Variants in GALNTL6 observed in about 807,000 individuals in gnomAD.
GALNTL6 encodes the protein polypeptide N-acetylgalactosaminyltransferase-like 6.
In GALNTL6, 46 loss-of-function variants were observed where a neutral mutation model predicts 73.7. The observed-to-expected ratio is 0.62, with a 90% CI of 0.49 to 0.80. The LOEUF (loss-of-function observed/expected upper bound fraction) is 0.80, where lower values mean the gene tolerates loss of function less well. Among genes scored for constraint, GALNTL6 ranks in the 30% least tolerant of loss-of-function variants. The probability of loss-of-function intolerance (pLI) is 0.00; values close to 1 mark genes in which losing one functional copy is unlikely to be tolerated. For synonymous variants in GALNTL6, 259 were observed against 263.7 expected (o/e 0.98, Z 0.17); for missense variants, 604 against 755.0 (o/e 0.80, Z 2.34).
chr4:172,486,247 A>T (rs569152435), intron 5 of GALNTL6, among the ~76,000 whole-genome samples: 1 of 152,322 alleles, frequency 6.6e-6, no homozygotes, highest in African/African-American at 2.4e-5. Flanking sequence ...ATTTCTGCAG[A>T]TCAGTGTGTG....
chr4:173,035,886 T>G (rs1753677230), intron 12 of GALNTL6, among the ~76,000 whole-genome samples: 2 of 152,212 alleles, frequency 1.3e-5, no homozygotes, highest in African/African-American at 4.8e-5. Flanking sequence ...GTTGGTACAT[T>G]CTGATTTTTA....
chr4:172,085,529 T>A (rs1303959635), intron 2 of GALNTL6, among the ~76,000 whole-genome samples: 1 of 151,138 alleles, frequency 6.6e-6, no homozygotes, highest in Non-Finnish European at 1.5e-5. Context: ...CTCAAAAATA[T>A]GTATATATAT....
chr4:172,988,011 G>T (rs1188733128), intron 10 of GALNTL6, among the ~76,000 whole-genome samples: 1 of 152,152 alleles, frequency 6.6e-6, no homozygotes, highest in Non-Finnish European at 1.5e-5. Context: ...ATTAATACTG[G>T]GAGTGGGGCA....
chr4:172,783,998 TA>T (rs1046477458), intron 5 of GALNTL6, among the ~76,000 whole-genome samples: 1 of 152,132 alleles, frequency 6.6e-6, no homozygotes, highest in Non-Finnish European at 1.5e-5. Flanking sequence ...CATTTCCTTG[TA>T]AAATGAAAGT....
At chr4:172,721,980 G>A (rs114110038) in intron 5 of GALNTL6, among the ~76,000 whole-genome samples, 2,235 of 117,270 alleles carry the variant, frequency 0.019, 30 homozygotes, top group South Asian at 0.077. Context: ...TGGAGGTGGC[G>A]GAAGGCTTTT....
chr4:172,764,002 A>G (rs1738262212), intron 5 of GALNTL6, among the ~76,000 whole-genome samples: 1 of 147,286 alleles, frequency 6.8e-6, no homozygotes, highest in African/African-American at 2.5e-5. Context: ...CTTGTTGCCA[A>G]GGCTGGAGTG....
intron 5 of GALNTL6, among the ~76,000 whole-genome samples, chr4:172,626,611 A>G (rs1739180668): frequency 6.6e-6 from 1 of 152,042 alleles, no homozygotes; most frequent in Non-Finnish European, 1.5e-5. Context: ...CATTATGACC[A>G]TTTTAACAAT....
At chr4:172,389,057 T>C (rs1327639011) in intron 5 of GALNTL6, among the ~76,000 whole-genome samples, 2 of 152,062 alleles carry the variant, frequency 1.3e-5, no homozygotes, top group African/African-American at 2.4e-5. Flanking sequence ...ATGTATGCTA[T>C]ATGATTATAT....
intron 2 of GALNTL6, among the ~76,000 whole-genome samples, chr4:172,117,112 A>G (rs1733004659): frequency 6.6e-6 from 1 of 152,326 alleles, no homozygotes; most frequent in African/African-American, 2.4e-5. Flanking sequence ...TAAATTTTTA[A>G]CTTTAAAGCA....
At chr4:172,143,277 T>TG (rs11422555) in intron 2 of GALNTL6, among the ~76,000 whole-genome samples, 4,312 of 152,076 alleles carry the variant, frequency 0.028, 188 homozygotes, top group African/African-American at 0.097. Context: ...ATGGGTTTTA[T>TG]GTTTATATAG....
chr4:171,990,165 C>T (rs1253709698), intron 2 of GALNTL6, among the ~76,000 whole-genome samples: 1 of 152,094 alleles, frequency 6.6e-6, no homozygotes, highest in Admixed American at 6.6e-5. Context: ...AACCTCTTAC[C>T]CAGACAGTAA....
At chr4:172,385,294 G>C (rs1390561998) in intron 5 of GALNTL6, among the ~76,000 whole-genome samples, 1 of 151,976 alleles carries the variant, frequency 6.6e-6, no homozygotes, top group East Asian at 1.9e-4. Context: ...GTTATACGTG[G>C]TTTCTAGTGC....
intron 5 of GALNTL6, among the ~76,000 whole-genome samples, chr4:172,358,164 A>C (rs1742234713): frequency 6.6e-6 from 1 of 152,216 alleles, no homozygotes; most frequent in African/African-American, 2.4e-5. Context: ...AGCATTGGAG[A>C]CAGAGAGTCT....
chr4:172,202,998 T>A (rs941165660), intron 2 of GALNTL6, among the ~76,000 whole-genome samples: 1 of 152,178 alleles, frequency 6.6e-6, no homozygotes, highest in Non-Finnish European at 1.5e-5. Flanking sequence ...GATAGTATAG[T>A]TTACAAATAA....
intron 5 of GALNTL6, among the ~76,000 whole-genome samples, chr4:172,790,405 C>A (rs1336296916): frequency 6.6e-6 from 1 of 152,150 alleles, no homozygotes; most frequent in South Asian, 2.1e-4. Context: ...AAATTTTTCT[C>A]TCTCTGCCCA....
chr4:172,894,217 ATTTCT>A (rs753959525), intron 8 of GALNTL6, among the ~76,000 whole-genome samples: 21 of 151,594 alleles, frequency 1.4e-4, no homozygotes, highest in East Asian at 7.8e-4. Context: ...GATCTTTATT[ATTTCT>A]TTTATTTTGC....
At chr4:172,163,828 G>A (rs1485766430) in intron 2 of GALNTL6, among the ~76,000 whole-genome samples, 2 of 151,662 alleles carry the variant, frequency 1.3e-5, no homozygotes, top group Non-Finnish European at 2.9e-5. Flanking sequence ...CAACATACAG[G>A]CACACACACA....
At chr4:172,662,648 A>G (rs1026171158) in intron 5 of GALNTL6, among the ~76,000 whole-genome samples, 5 of 152,212 alleles carry the variant, frequency 3.3e-5, no homozygotes, top group Non-Finnish European at 7.3e-5. Flanking sequence ...TCTATCATCA[A>G]TGGATTCATT....
chr4:172,837,020 A>G (rs1742945026), intron 7 of GALNTL6, among the ~76,000 whole-genome samples: 1 of 152,198 alleles, frequency 6.6e-6, no homozygotes. Flanking sequence ...TTATCAAAAC[A>G]CAGAACCTCT....
Sources: gnomAD v4.1 joint callset for allele counts (sites outside exome capture counted in the v4.1 genomes callset) on GRCh38, gnomAD v4.1.1 for gene constraint, MANE v1.5 for transcripts, NCBI Gene and HGNC (gene_info 2026-07-23, HGNC 2026-07-21) for gene names.